Variants in TMEM245 observed in about 807,000 individuals in gnomAD.
TMEM245 encodes transmembrane protein 245, also known as protein CG-2.
Under a neutral mutation model 101.2 loss-of-function variants are expected in TMEM245, and 69 were observed. That is an observed-to-expected ratio of 0.68 (90% CI 0.56 to 0.83). TMEM245 has a LOEUF of 0.83. Among genes scored for constraint, TMEM245 ranks in the 40% least tolerant of loss-of-function variants. The probability of loss-of-function intolerance (pLI) is 0.00; values close to 1 mark genes in which losing one functional copy is unlikely to be tolerated. For synonymous variants in TMEM245, 537 were observed against 449.8 expected, an observed-to-expected ratio of 1.19 and a Z score of -2.45; for missense variants, 1,075 against 1,092.8, an observed-to-expected ratio of 0.98 and a Z score of 0.23.
chr9:109,036,890 CA>C (rs766769582), intron 15 of TMEM245, among the ~76,000 whole-genome samples: 41 of 152,192 alleles, frequency 2.7e-4, no homozygotes, highest in Admixed American at 1.1e-3. Context: ...AAGAGTAAAG[CA>C]AATGTAGTTT....
At chr9:109,110,016 C>G (rs1215703887) in intron 1 of TMEM245, among the ~76,000 whole-genome samples, 1 of 152,000 alleles carries the variant, frequency 6.6e-6, no homozygotes, top group East Asian at 1.9e-4. Flanking sequence ...AGCACTAATT[C>G]TTTTATAATA....
In TMEM245 at chr9:109,018,737, C is replaced by T. The variant is rs940444557; in HGVS notation, c.*1723G>A. On this transcript the variant is annotated 3_prime_UTR_variant, in exon 18 of 18. Coordinates refer to ENST00000374586, the MANE Select transcript of TMEM245 (RefSeq NM_032012.4). Reference sequence around the variant, plus strand: ...TCAACGCTTAAGAACTACCCCCCAACACTTTTTTTTTTCCTTGGGACAGTG... The same window carrying T: ...TCAACGCTTAAGAACTACCCCCCAATACTTTTTTTTTTCCTTGGGACAGTG... 1.3e-5 allele frequency: 2 copies of T among 150,248 alleles called. No individual in the cohort carries two copies. The highest frequency in any genetic ancestry group is 3.0e-5 in the Non-Finnish European group (2 of 67,568). The allele number at this position is 150,248 out of a possible 1,614,324, so 9.3% of individuals were successfully genotyped here. A position where few individuals can be genotyped will look rare whatever the true frequency, so the allele number is the denominator to read the frequency against.
intron 3 of TMEM245, among the ~76,000 whole-genome samples, chr9:109,097,898 G>A (rs531101083): frequency 2.0e-5 from 3 of 152,316 alleles, no homozygotes; most frequent in East Asian, 1.9e-4. Context: ...TAGCCTGGGC[G>A]ACAGAGAGAG....
intron 3 of TMEM245, 106 bp downstream of exon 3, chr9:109,106,402 A>G: frequency 4.9e-6 from 3 of 608,164 alleles, no homozygotes; most frequent in Non-Finnish European, 8.1e-6. Context: ...AGAAACCATC[A>G]TAGGTTTTTA....
chr9:109,114,862 T>C (rs1024906729), intron 1 of TMEM245, among the ~76,000 whole-genome samples: 13 of 150,248 alleles, frequency 8.7e-5, no homozygotes, highest in Admixed American at 6.7e-4. Flanking sequence ...ATTTTTTTTT[T>C]AGGTGTTCTG....
At chr9:109,098,676 G>A (rs1199730661) in intron 3 of TMEM245, among the ~76,000 whole-genome samples, 2 of 152,032 alleles carry the variant, frequency 1.3e-5, no homozygotes, top group Non-Finnish European at 2.9e-5. Context: ...AAAAGCCACA[G>A]CTAAAAATAG....
At chr9:109,056,177 G>C (rs904597267) in intron 12 of TMEM245, among the ~76,000 whole-genome samples, 1 of 152,164 alleles carries the variant, frequency 6.6e-6, no homozygotes, top group African/African-American at 2.4e-5. Context: ...AAAGCTAAAA[G>C]AATTGGCAGT....
At chr9:109,052,249 A>G (rs926907636) in intron 12 of TMEM245, among the ~76,000 whole-genome samples, 2 of 152,256 alleles carry the variant, frequency 1.3e-5, no homozygotes, top group African/African-American at 4.8e-5. Context: ...ATGCTTCCAT[A>G]GACCTCCCAA....
In TMEM245 at chr9:109,073,306, G is replaced by C. The variant is rs766347966; in HGVS notation, c.1532+50C>G. On this transcript the variant is annotated intron_variant, in intron 9 of 17. Coordinates refer to ENST00000374586, the MANE Select transcript of TMEM245 (RefSeq NM_032012.4). ...TGAAGGTCATTTCGTGCAAACAGAT[G>C]CTGAAACTAGGCCATTCATCTCTCT... 2.9e-6 allele frequency: 4 copies of C among 1,384,590 alleles called. No homozygotes were observed. The African/African-American group carries it at 5.7e-5, about 20-fold the overall frequency. 85.8% of individuals were successfully genotyped at this position (1,384,590 alleles called of 1,614,324 possible).
At chr9:109,058,421 T>C (rs1365656100) in intron 11 of TMEM245, among the ~76,000 whole-genome samples, 1 of 151,968 alleles carries the variant, frequency 6.6e-6, no homozygotes, top group African/African-American at 2.4e-5. Context: ...GGCAGAGATA[T>C]GAGAATAACT....
chr9:109,084,085 A>T (rs1339625312), intron 7 of TMEM245, among the ~76,000 whole-genome samples: 3 of 24,822 alleles, frequency 1.2e-4, no homozygotes, highest in African/African-American at 4.8e-4. Flanking sequence ...TCTCAAATTT[A>T]AAAAAAAAAA....
chr9:109,060,473 G>A lies in TMEM245; in HGVS notation c.1624-21C>T, dbSNP rs115395884. On this transcript the variant is annotated intron_variant, in intron 10 of 17. Transcript: ENST00000374586. ...TGGAGCTAGAAAAAAACACAGATAC[G>A]ACGTGGTACAATATTTCAGGCAACA... 3.0e-5 allele frequency: 46 copies of A among 1,525,406 alleles called. No individual in the cohort carries two copies. The African/African-American group carries it at 4.9e-4, about 16-fold the overall frequency. 94.5% of individuals were successfully genotyped at this position (1,525,406 alleles called of 1,614,324 possible).
intron 3 of TMEM245, among the ~76,000 whole-genome samples, chr9:109,101,312 C>G (rs1391578871): frequency 6.6e-6 from 1 of 152,072 alleles, no homozygotes; most frequent in Non-Finnish European, 1.5e-5. Context: ...GCAAGTGATA[C>G]AACGGGACAC....
chr9:109,070,929 C>T (rs193213227), intron 9 of TMEM245, among the ~76,000 whole-genome samples: 27 of 152,188 alleles, frequency 1.8e-4, no homozygotes, highest in African/African-American at 4.8e-4. Flanking sequence ...TCATCCAGGC[C>T]GGAGTGCAGT....
chr9:109,046,313 A>C (rs1208058056), intron 14 of TMEM245: 1 of 534,196 alleles, frequency 1.9e-6, no homozygotes, highest in Admixed American at 1.9e-5. Flanking sequence ...GAGCAAGCAG[A>C]ATGGGAGCAT....
Position 109,119,844 on chromosome 9 carries a change from G to A in TMEM245, c.70C>T (p.Pro24Ser). Residue 24 changes from proline to serine, a missense_variant, in exon 1 of 18, where the codon CCG becomes TCG. By Grantham distance (74) the Pro-to-Ser change is moderately conservative. Around this residue, in one of 2 missense-constraint regions of TMEM245, gnomAD observed 808 missense variants for 741.5 expected, o/e 1.09. Coordinates refer to ENST00000374586, the MANE Select transcript of TMEM245 (RefSeq NM_032012.4). ...RSSPGPAPRV[P>S]RAVGPSGGGG... Reference sequence around the variant, plus strand: ...CCGCCACTCGGCCCGACCGCGCGCGGGACCCGCGGCGCCGGCCCGGGAGAG... The same window carrying A: ...CCGCCACTCGGCCCGACCGCGCGCGAGACCCGCGGCGCCGGCCCGGGAGAG... 1.5e-6 allele frequency: 2 copies of A among 1,335,266 alleles called. No individual in the cohort carries two copies. The highest frequency in any genetic ancestry group is 1.9e-6 in the Non-Finnish European group (2 of 1,053,462). 82.7% of individuals were successfully genotyped at this position (1,335,266 alleles called of 1,614,324 possible).
chr9:109,051,295 A>AAC (rs67093439), intron 12 of TMEM245, among the ~76,000 whole-genome samples: 14,826 of 135,020 alleles, frequency 0.11, 765 homozygotes, highest in East Asian at 0.12. Flanking sequence ...TCTGTCTCAA[A>AAC]ACACACACAC....
chr9:109,094,315 G>A (rs756023339), intron 3 of TMEM245, among the ~76,000 whole-genome samples: 2 of 152,164 alleles, frequency 1.3e-5, no homozygotes, highest in Non-Finnish European at 2.9e-5. Context: ...ACACTTTCTT[G>A]CACACTAGAC....
intron 8 of TMEM245, among the ~76,000 whole-genome samples, chr9:109,079,538 G>A (rs1360492187): frequency 6.6e-6 from 1 of 152,080 alleles, no homozygotes; most frequent in Non-Finnish European, 1.5e-5. Context: ...TACTGGCCAG[G>A]AGAATGAATT....
Sources: allele counts gnomAD v4.1 joint callset (sites outside exome capture counted in the v4.1 genomes callset), GRCh38; gene constraint gnomAD v4.1.1; regional missense constraint gnomAD v4.1.1; transcripts MANE v1.5; gene names NCBI Gene and HGNC (gene_info 2026-07-23, HGNC 2026-07-21).